The following WDR44 variants were observed in gnomAD, a reference collection of about 807,000 sequenced individuals.
WDR44 encodes the protein WD repeat-containing protein 44.
A neutral mutation model predicts 65.7 loss-of-function variants in WDR44; 9 were observed. That is an observed-to-expected ratio of 0.14 (90% CI 0.08 to 0.24). WDR44 has a LOEUF of 0.24. Ranked by LOEUF, WDR44 falls within the 10% of genes least tolerant of loss-of-function variation. The probability of loss-of-function intolerance (pLI) is 1.00; values close to 1 mark genes in which losing one functional copy is unlikely to be tolerated. For missense variants in WDR44, 425 were observed against 670.9 expected (o/e 0.63, Z 4.05); for synonymous variants, 220 against 235.2 (o/e 0.94, Z 0.59).
intron 18 of WDR44, 125 bp downstream of exon 18, chrX:118,443,812 ATACG>A: frequency 1.6e-6 from 1 of 624,769 alleles, no homozygotes; most frequent in Non-Finnish European, 2.3e-6. Flanking sequence ...TGGGAGGCCC[ATACG>A]GGTGTATCAC....
chrX:118,404,492 TCGTC>T (rs761683670), intron 9 of WDR44, 48 bp downstream of exon 9: 1 of 985,092 alleles, frequency 1.0e-6, no homozygotes, highest in Non-Finnish European at 1.4e-6. Flanking sequence ...TAATTTGTAA[TCGTC>T]TAAATTTAGC....
intron 1 of WDR44, among the ~76,000 whole-genome samples, chrX:118,375,032 A>G (rs1168260082): frequency 8.9e-6 from 1 of 111,916 alleles, no homozygotes; most frequent in Non-Finnish European, 1.9e-5. Flanking sequence ...TTATATGTAA[A>G]GCCCCACCAG....
chrX:118,379,106 A>T (rs1192450100), intron 2 of WDR44, among the ~76,000 whole-genome samples: 1 of 110,399 alleles, frequency 9.1e-6, no homozygotes, highest in East Asian at 2.8e-4. Flanking sequence ...AAACACATGT[A>T]TACTTCTTGT....
Position 118,436,730 on chromosome X carries a change from A to G in WDR44, c.1880A>G (p.Asp627Gly). ...KNYFLLSSSM[D>G]KTVRLWHISR... ...TACTTTCTTCTTTCTTCTTCAATGG[A>G]TAAAACAGTCAGATTATGGCACATT... The change falls in exon 14 of 20, where the codon GAT becomes GGT. Residue 627 changes from aspartate (D) to glycine (G), a missense_variant. Physicochemically the swap from Asp to Gly is moderately conservative, Grantham distance 94. Transcript: ENST00000254029. 8.3e-7 allele frequency: 1 copy of G among 1,198,645 alleles called. No homozygotes were observed. Among genetic ancestry groups the G allele is most frequent in the Non-Finnish European group, 1.1e-6 (1 of 886,786 alleles).
chrX:118,377,962 T>A (rs1162214917), intron 1 of WDR44, among the ~76,000 whole-genome samples: 1 of 109,848 alleles, frequency 9.1e-6, no homozygotes, highest in African/African-American at 3.3e-5. Context: ...ACTTTTTTTT[T>A]CTTTTTCTTT....
At chrX:118,360,445 C>A (rs1473126975) in intron 1 of WDR44, among the ~76,000 whole-genome samples, 1 of 111,696 alleles carries the variant, frequency 9.0e-6, no homozygotes, top group Admixed American at 9.5e-5. Flanking sequence ...TTCTGCCTGG[C>A]CTCAGTGGGC....
chrX:118,354,617 G>A (rs930398864), intron 1 of WDR44, among the ~76,000 whole-genome samples: 11 of 110,649 alleles, frequency 9.9e-5, no homozygotes, highest in African/African-American at 3.3e-4. Flanking sequence ...AACTTGAATG[G>A]TATTTTTTTT....
At position 118,449,086 on chromosome X, in the gene WDR44, T is replaced by A; in HGVS notation, c.*99T>A. 1 of 526,822 alleles carries A rather than the reference T, an allele frequency of 1.9e-6. No homozygotes were observed. Among genetic ancestry groups the A allele is most frequent in the Non-Finnish European group, 2.9e-6 (1 of 342,085 alleles). 43.4% of individuals were successfully genotyped at this position (526,822 alleles called of 1,213,427 possible). Reference sequence around the variant, plus strand: ...GCTAACATACTTTTTTAATTTTTATTGAAAGTTGTTCAAATATAATATATT... The same window carrying A: ...GCTAACATACTTTTTTAATTTTTATAGAAAGTTGTTCAAATATAATATATT... On this transcript the variant is annotated 3_prime_UTR_variant, in exon 20 of 20. Transcript: ENST00000254029.
chrX:118,383,349 C>G (rs779743888), intron 2 of WDR44, among the ~76,000 whole-genome samples: 2 of 111,280 alleles, frequency 1.8e-5, no homozygotes, highest in East Asian at 5.6e-4. Context: ...TGCAGTGACT[C>G]ACGCCTGTTA....
chrX:118,445,398 C>T (rs2057338009), intron 19 of WDR44, among the ~76,000 whole-genome samples: 1 of 112,549 alleles, frequency 8.9e-6, no homozygotes, highest in Non-Finnish European at 1.9e-5. Context: ...TATTACCTGT[C>T]TCTCCTACTA....
chrX:118,404,026 AG>A (rs1328385007), intron 8 of WDR44, among the ~76,000 whole-genome samples: 1 of 112,069 alleles, frequency 8.9e-6, no homozygotes, highest in Non-Finnish European at 1.9e-5. Context: ...ATGGAGCTGA[AG>A]TACCTACACT....
chrX:118,428,555 A>G (rs945825127), intron 12 of WDR44, among the ~76,000 whole-genome samples: 5 of 111,952 alleles, frequency 4.5e-5, no homozygotes, highest in African/African-American at 1.6e-4. Context: ...CTGTTTTTCT[A>G]AAGTTTTCTT....
At chrX:118,406,358 G>C (rs1189690128) in intron 9 of WDR44, among the ~76,000 whole-genome samples, 1 of 110,818 alleles carries the variant, frequency 9.0e-6, no homozygotes, top group Non-Finnish European at 1.9e-5. Context: ...TTAAGCCCAG[G>C]AGTTGGAGAC....
intron 14 of WDR44, among the ~76,000 whole-genome samples, chrX:118,438,277 A>T (rs2057271259): frequency 9.0e-6 from 1 of 111,719 alleles, no homozygotes; most frequent in African/African-American, 3.3e-5. Flanking sequence ...TTCCCTATAC[A>T]CACAACAAAA....
Position 118,444,370 on chromosome X carries a change from A to T in WDR44, c.2523A>T (p.Ala841=), listed in dbSNP as rs1169716418. 8.3e-7 allele frequency: 1 copy of T among 1,207,848 alleles called. No individual in the cohort carries two copies. Among genetic ancestry groups the T allele is most frequent in the African/African-American group, 1.7e-5 (1 of 57,203 alleles). The stretch of plus-strand genomic sequence containing the variant: ...AAATTTTTTCCACAGCCCACAATGC[A>T]GTTGTTACATCAGCCATCTTTGCAC... ...DFWEGIKAHN[A]VVTSAIFAPN... The change falls in exon 19 of 20, where the codon GCA becomes GCT. Residue 841 remains alanine, a synonymous_variant. Coordinates refer to ENST00000254029, the MANE Select transcript of WDR44 (RefSeq NM_019045.5).
At chrX:118,425,348 AAACT>A (rs1337907595) in intron 12 of WDR44, among the ~76,000 whole-genome samples, 1 of 112,348 alleles carries the variant, frequency 8.9e-6, no homozygotes, top group Admixed American at 9.5e-5. Context: ...TACTGAGAAC[AAACT>A]ATAAGAAGAT....
At chrX:118,403,221 G>A (rs946111271) in intron 8 of WDR44, among the ~76,000 whole-genome samples, 1 of 111,656 alleles carries the variant, frequency 9.0e-6, no homozygotes, top group African/African-American at 3.3e-5. Context: ...GGTTGACTGG[G>A]GTAACTGAAA....
intron 2 of WDR44, among the ~76,000 whole-genome samples, chrX:118,380,579 CAT>C (rs1227481370): frequency 8.9e-6 from 1 of 111,816 alleles, no homozygotes; most frequent in Non-Finnish European, 1.9e-5. Flanking sequence ...ATATGATAAA[CAT>C]GTACTGAGGC....
At chrX:118,444,574 T>C (rs1350752829) in intron 19 of WDR44, 80 bp downstream of exon 19, 11 of 1,034,747 alleles carry the variant, frequency 1.1e-5, no homozygotes, top group Middle Eastern at 2.7e-4. Context: ...TAATAAGGTT[T>C]TCACTAGTAT....
Sources: allele counts gnomAD v4.1 joint callset (sites outside exome capture counted in the v4.1 genomes callset), GRCh38; gene constraint gnomAD v4.1.1; transcripts MANE v1.5; gene names NCBI Gene and HGNC (gene_info 2026-07-23, HGNC 2026-07-21).